Variants in TLK1 observed in about 807,000 individuals in gnomAD.
TLK1 encodes tousled like kinase 1.
A neutral mutation model predicts 105.3 loss-of-function variants in TLK1; 24 were observed. That is an observed-to-expected ratio of 0.23 (90% CI 0.17 to 0.32). TLK1 has a LOEUF of 0.32. Ranked by LOEUF, TLK1 falls within the 10% of genes least tolerant of loss-of-function variation. TLK1 has a pLI of 1.00. For synonymous variants in TLK1, 321 were observed against 310.4 expected, an observed-to-expected ratio of 1.03 and a Z score of -0.36; for missense variants, 558 against 910.5, an observed-to-expected ratio of 0.61 and a Z score of 4.98.
chr2:171,147,065 G>A (rs1056764728), intron 1 of TLK1, among the ~76,000 whole-genome samples: 1 of 152,164 alleles, frequency 6.6e-6, no homozygotes, highest in African/African-American at 2.4e-5. Flanking sequence ...GGCAATTCGG[G>A]TTGTTTTATC....
At chr2:171,161,077 A>C (rs1692483265), upstream of TLK1, among the ~76,000 whole-genome samples, 3 of 147,460 alleles carry the variant, frequency 2.0e-5, no homozygotes, top group South Asian at 2.1e-4. Context: ...GCGCGAGGGA[A>C]GAGACTAGAG....
rs376143061 is a variant in TLK1, at chr2:171,132,423, T to C, written c.140-14566A>G. 2.6e-5 allele frequency among the ~76,000 whole-genome samples: 4 copies of C among 152,180 alleles called. 1 individual carries two copies. The highest frequency in any genetic ancestry group is 2.1e-4 in the South Asian group (1 of 4,816). ...AAACCATATCAACAGTAGTCATATATCCAGAAACTCATAAAGTTACTTACC... is the reference window on the plus strand; with the variant it reads ...AAACCATATCAACAGTAGTCATATACCCAGAAACTCATAAAGTTACTTACC... On this transcript the variant is annotated intron_variant, in intron 1 of 20. Coordinates refer to ENST00000431350, the MANE Select transcript of TLK1 (RefSeq NM_012290.5).
rs966111547 is a variant in TLK1 at position 171,067,643 on chromosome 2, G to A, written c.331-6487C>T. ...TTTTTATTATTATACTTTAAGTTCT[G>A]AGGTACATGTGCAGAACGTACAAGT... On this transcript the variant is annotated intron_variant, in intron 3 of 20. Coordinates refer to ENST00000431350, the MANE Select transcript of TLK1 (RefSeq NM_012290.5). Among the ~76,000 whole-genome samples, 6 of 151,786 alleles carry A rather than the reference G, an allele frequency of 4.0e-5. No homozygotes were observed. In the South Asian group the frequency reaches 6.2e-4, roughly 16 times the overall value.
At chr2:171,194,754 T>C (rs1024506324) in intron 1 of TLK1, among the ~76,000 whole-genome samples, 50 of 149,014 alleles carry the variant, frequency 3.4e-4, no homozygotes, top group Admixed American at 3.0e-3. Context: ...GAGGCGGAGC[T>C]TGCAGTGAGC....
chr2:171,143,481 G>A (rs1470853001), intron 1 of TLK1, among the ~76,000 whole-genome samples: 5 of 112,820 alleles, frequency 4.4e-5, no homozygotes, highest in Non-Finnish European at 8.2e-5. Context: ...ACTCCAGACT[G>A]GGCAGAAGAG....
rs114375721 is a variant in TLK1, at chr2:171,114,253, A to C, written c.258+3486T>G. 7.5e-4 allele frequency among the ~76,000 whole-genome samples: 114 copies of C among 152,312 alleles called. 1 individual carries two copies. Among genetic ancestry groups the C allele is most frequent in the Non-Finnish European group, 1.5e-3 (101 of 68,026 alleles). The stretch of plus-strand genomic sequence containing the variant: ...TATGGTAGGCAGAATAATTTCCCCA[A>C]TGATACACACACCCTAAACTCCAGA... On this transcript the variant is annotated intron_variant, in intron 2 of 20. Transcript: ENST00000431350.
intron 1 of TLK1, among the ~76,000 whole-genome samples, chr2:171,170,609 C>T (rs147354124): frequency 7.6e-4 from 116 of 152,304 alleles, no homozygotes; most frequent in Non-Finnish European, 1.4e-3. Context: ...CTGGTAGGTA[C>T]TATAGAGACC....
At chr2:171,150,245 A>G (rs1691978795) in intron 1 of TLK1, among the ~76,000 whole-genome samples, 1 of 152,120 alleles carries the variant, frequency 6.6e-6, no homozygotes, top group South Asian at 2.1e-4. Context: ...AAGCCCTAAA[A>G]TTGTTTTATA....
At chr2:171,116,668 C>A (rs1461835188) in intron 2 of TLK1, among the ~76,000 whole-genome samples, 2 of 150,438 alleles carry the variant, frequency 1.3e-5, no homozygotes, top group Admixed American at 1.3e-4. Flanking sequence ...CCACTGCACT[C>A]CAGCCTGGGC....
intron 2 of TLK1, among the ~76,000 whole-genome samples, chr2:171,106,367 A>C (rs1337561623): frequency 6.6e-6 from 1 of 152,222 alleles, no homozygotes; most frequent in Admixed American, 6.5e-5. Context: ...AAGAAATGAT[A>C]AATGTTTGAG....
intron 11 of TLK1, among the ~76,000 whole-genome samples, chr2:171,033,772 C>A (rs1575534724): frequency 1.4e-5 from 2 of 147,004 alleles, no homozygotes; most frequent in South Asian, 2.3e-4. Flanking sequence ...ACTATGTACC[C>A]ATAAAAATAA....
At position 171,219,349 on chromosome 2, in the gene TLK1, C is replaced by T. The variant is rs929147592; in HGVS notation, c.-6+11796G>A. On this transcript the variant is annotated intron_variant, in intron 1 of 20. Transcript: ENST00000521943. ...TGCCTCTGTGGTCACATTGCCTTCT[C>T]TTCTGTGTGAATCGAGTCTCCCTCT... 2.0e-5 allele frequency among the ~76,000 whole-genome samples: 3 copies of T among 152,198 alleles called. No individual in the cohort carries two copies. In the South Asian group the frequency reaches 6.2e-4, roughly 31 times the overall value.
At chr2:171,013,960 TTTTC>T (rs1383011661) in intron 13 of TLK1, among the ~76,000 whole-genome samples, 1 of 152,246 alleles carries the variant, frequency 6.6e-6, no homozygotes, top group Non-Finnish European at 1.5e-5. Flanking sequence ...AGATATTTTC[TTTTC>T]TTTCAATTGC....
intron 1 of TLK1, among the ~76,000 whole-genome samples, chr2:171,182,935 A>AAAGAAAGAAAGAAAGAAAG (rs58968031): frequency 5.8e-4 from 75 of 128,828 alleles, no homozygotes; most frequent in African/African-American, 2.0e-3. Flanking sequence ...AAAAAAAAAA[A>AAAGAAAGAAAGAAAGAAAG]AAAGAAAGAA....
chr2:171,124,076 A>G (rs1690772305), intron 1 of TLK1, among the ~76,000 whole-genome samples: 1 of 152,244 alleles, frequency 6.6e-6, no homozygotes. Context: ...AAAATTAAAC[A>G]AATTTTTGAA....
intron 2 of TLK1, among the ~76,000 whole-genome samples, chr2:171,098,322 C>CA (rs1194925884): frequency 6.6e-6 from 1 of 152,038 alleles, no homozygotes; most frequent in Non-Finnish European, 1.5e-5. Flanking sequence ...AATCATGTCA[C>CA]AATATATATG....
chr2:171,176,677 C>T lies in TLK1; in HGVS notation c.-6+54468G>A, dbSNP rs190491016. 1.9e-3 allele frequency among the ~76,000 whole-genome samples: 288 copies of T among 152,284 alleles called. 1 individual carries two copies. The highest frequency in any genetic ancestry group is 6.9e-3 in the Admixed American group (105 of 15,298). ...ACCGTCATCTCTTACTGAGCTAAAA[C>T]AATAACTTCATAGTCTCCCTGCTTC... On this transcript the variant is annotated intron_variant, in intron 1 of 20. Transcript: ENST00000521943.
chr2:171,117,227 C>A (rs1690472715), intron 2 of TLK1, among the ~76,000 whole-genome samples: 1 of 152,120 alleles, frequency 6.6e-6, no homozygotes, highest in Non-Finnish European at 1.5e-5. Flanking sequence ...GTGCACAGTT[C>A]ACAATAGAGT....
Position 171,160,431 on chromosome 2 carries a change from A to C in TLK1, c.-3T>G, listed in dbSNP as rs761428659. On this transcript the variant is annotated 5_prime_UTR_variant, in exon 1 of 21. Transcript: ENST00000431350. The surrounding 1 kb of genome is among the most constrained non-coding windows in gnomAD (Gnocchi z 4.4). ...CCACTGCTACTTTGGACACTCATCA[A>C]GCTACTTTCTGGGAACCCGACTCCC... 1 of 1,599,492 alleles carries C rather than the reference A, an allele frequency of 6.3e-7. No homozygotes were observed. The highest frequency in any genetic ancestry group is 8.5e-7 in the Non-Finnish European group (1 of 1,174,000).
Sources: gnomAD v4.1 joint callset for allele counts (sites outside exome capture counted in the v4.1 genomes callset) on GRCh38, gnomAD v4.1.1 for gene constraint, Gnocchi (gnomAD v3.1) non-coding constraint, MANE v1.5 for transcripts, NCBI Gene and HGNC (gene_info 2026-07-23, HGNC 2026-07-21) for gene names.